The following SPMIP4 variants were observed in gnomAD, a reference collection of about 807,000 sequenced individuals.
SPMIP4 encodes sperm microtubule inner protein 4.
chr7:25,159,046 C>G, the SPMIP4 span, among the ~76,000 whole-genome samples: 1 of 152,216 alleles, frequency 6.6e-6, no homozygotes, highest in East Asian at 1.9e-4. Context: ...TCTGCATTTT[C>G]CATTTGTGGT....
the SPMIP4 span, among the ~76,000 whole-genome samples, chr7:25,176,131 C>G: frequency 6.6e-6 from 1 of 152,088 alleles, no homozygotes; most frequent in Non-Finnish European, 1.5e-5. The surrounding 1 kb of genome is among the most constrained non-coding windows in gnomAD (Gnocchi z 4.4). Flanking sequence ...ATTTTATAGT[C>G]AGTTAACAAA....
the SPMIP4 span, among the ~76,000 whole-genome samples, chr7:25,134,387 A>C: frequency 6.6e-6 from 1 of 152,082 alleles, no homozygotes; most frequent in African/African-American, 2.4e-5. Flanking sequence ...CACACACACA[A>C]AACAAAAAAA....
the SPMIP4 span, chr7:25,154,956 G>A: frequency 1.0e-5 from 15 of 1,507,086 alleles, no homozygotes; most frequent in Non-Finnish European, 1.3e-5. Flanking sequence ...TTTTATTATT[G>A]AAGAAATCCC....
the SPMIP4 span, among the ~76,000 whole-genome samples, chr7:25,145,458 C>G: frequency 1.1e-4 from 17 of 152,252 alleles, no homozygotes; most frequent in Admixed American, 1.0e-3. Context: ...GAGAGGGGAA[C>G]TGGCCAATTT....
chr7:25,141,364 G>A, the SPMIP4 span, among the ~76,000 whole-genome samples: 1 of 152,082 alleles, frequency 6.6e-6, no homozygotes, highest in Non-Finnish European at 1.5e-5. Context: ...ACGAGGTCAG[G>A]AGATCGAGAC....
At chr7:25,163,548 C>T in the SPMIP4 span, among the ~76,000 whole-genome samples, 3 of 152,176 alleles carry the variant, frequency 2.0e-5, no homozygotes, top group African/African-American at 7.2e-5. This position sits in a 1 kb window ranked among gnomAD's most constrained non-coding sequence, Gnocchi z 4.4. Context: ...GGTGCTTGCT[C>T]AGTGGCTTCA....
the SPMIP4 span, among the ~76,000 whole-genome samples, chr7:25,153,720 C>A: frequency 1.3e-5 from 2 of 152,124 alleles, no homozygotes; most frequent in African/African-American, 4.8e-5. Flanking sequence ...AAAAATTTTA[C>A]TTGTTTATGT....
At chr7:25,177,654 G>T in the SPMIP4 span, among the ~76,000 whole-genome samples, 874 of 152,224 alleles carry the variant, frequency 5.7e-3, 6 homozygotes, top group African/African-American at 0.02. Context: ...TTACTTGTGT[G>T]TATCTGTTAT....
chr7:25,149,582 T>C, the SPMIP4 span, among the ~76,000 whole-genome samples: 47 of 152,340 alleles, frequency 3.1e-4, no homozygotes, highest in African/African-American at 1.1e-3. Context: ...AAAATATTTA[T>C]GTACAATGCA....
At chr7:25,144,878 T>C in the SPMIP4 span, among the ~76,000 whole-genome samples, 1 of 152,166 alleles carries the variant, frequency 6.6e-6, no homozygotes, top group Non-Finnish European at 1.5e-5. Context: ...GCTTACTTAT[T>C]CAGGGATAAA....
chr7:25,156,566 TTAA>T, the SPMIP4 span, among the ~76,000 whole-genome samples: 1 of 152,204 alleles, frequency 6.6e-6, no homozygotes. Context: ...AAATGGCAGC[TTAA>T]TAATTTCTGT....
At chr7:25,147,425 C>T in the SPMIP4 span, among the ~76,000 whole-genome samples, 5 of 151,982 alleles carry the variant, frequency 3.3e-5, no homozygotes, top group South Asian at 2.1e-4. Flanking sequence ...GGAGAGGCCC[C>T]GAATAGAGTG....
the SPMIP4 span, among the ~76,000 whole-genome samples, chr7:25,153,347 T>A: frequency 6.6e-6 from 1 of 152,054 alleles, no homozygotes; most frequent in East Asian, 1.9e-4. Context: ...GCAGATCACT[T>A]GACGTCAGGA....
chr7:25,131,973 C>T, the SPMIP4 span, among the ~76,000 whole-genome samples: 9 of 152,072 alleles, frequency 5.9e-5, no homozygotes, highest in Admixed American at 6.6e-5. The surrounding 1 kb of genome is among the most constrained non-coding windows in gnomAD (Gnocchi z 4.2). Context: ...CAGTGGTGGA[C>T]GGCAAGTGAA....
At chr7:25,160,224 C>A in the SPMIP4 span, among the ~76,000 whole-genome samples, 8 of 66,108 alleles carry the variant, frequency 1.2e-4, no homozygotes, top group Admixed American at 3.6e-4. Context: ...TAAATTTTTA[C>A]CTATCAACAA....
At chr7:25,164,733 C>G in the SPMIP4 span, among the ~76,000 whole-genome samples, 6 of 152,308 alleles carry the variant, frequency 3.9e-5, no homozygotes, top group African/African-American at 1.4e-4. Flanking sequence ...ATCACCCAAG[C>G]AGTGTACACT....
At chr7:25,140,064 C>T in the SPMIP4 span, among the ~76,000 whole-genome samples, 1 of 152,168 alleles carries the variant, frequency 6.6e-6, no homozygotes, top group Non-Finnish European at 1.5e-5. Flanking sequence ...ACATACCATA[C>T]AGGGTCGAAT....
chr7:25,148,201 C>T, the SPMIP4 span, among the ~76,000 whole-genome samples: 1 of 152,204 alleles, frequency 6.6e-6, no homozygotes, highest in African/African-American at 2.4e-5. Context: ...GGGGTGCAAC[C>T]TGCACCCCTG....
the SPMIP4 span, among the ~76,000 whole-genome samples, chr7:25,174,334 C>G: frequency 8.0e-6 from 1 of 125,172 alleles, no homozygotes; most frequent in Non-Finnish European, 2.0e-5. This position sits in a 1 kb window ranked among gnomAD's most constrained non-coding sequence, Gnocchi z 4.5. Flanking sequence ...AAATACATCT[C>G]TATAACAAAG....
Sources: allele counts gnomAD v4.1 joint callset (sites outside exome capture counted in the v4.1 genomes callset), GRCh38; gene constraint gnomAD v4.1.1; non-coding constraint Gnocchi (gnomAD v3.1); transcripts MANE v1.5; gene names NCBI Gene and HGNC (gene_info 2026-07-23, HGNC 2026-07-21).